Variants in JADE3 observed in about 807,000 individuals in gnomAD.
JADE3 encodes the protein jade family PHD finger 3.
Under a neutral mutation model 50.1 loss-of-function variants are expected in JADE3, and 2 were observed. That is an observed-to-expected ratio of 0.04 (90% confidence interval 0.02 to 0.13). JADE3 has a LOEUF of 0.13. Among genes scored for constraint, JADE3 ranks in the 10% least tolerant of loss-of-function variants. JADE3 has a pLI of 1.00. For missense variants in JADE3, 475 were observed against 634.4 expected, an observed-to-expected ratio of 0.75 and a Z score of 2.70; for synonymous variants, 218 against 232.9, an observed-to-expected ratio of 0.94 and a Z score of 0.58.
intron 4 of JADE3, among the ~76,000 whole-genome samples, chrX:47,003,579 T>C (rs1319333579): frequency 9.7e-6 from 1 of 103,001 alleles, no homozygotes; most frequent in East Asian, 2.9e-4. Flanking sequence ...TGTAGTCTTA[T>C]ATATATAAAA....
At chrX:46,963,039 A>G (rs1022130493) in intron 1 of JADE3, among the ~76,000 whole-genome samples, 13 of 111,002 alleles carry the variant, frequency 1.2e-4, no homozygotes, top group African/African-American at 3.9e-4. Context: ...GGGTTTCACC[A>G]TGTTGGCCAG....
intron 4 of JADE3, among the ~76,000 whole-genome samples, chrX:47,010,292 G>A (rs1176925482): frequency 1.8e-5 from 2 of 111,302 alleles, no homozygotes; most frequent in African/African-American, 6.5e-5. Flanking sequence ...GCAATGGTGC[G>A]ATCTAGGCTC....
intron 1 of JADE3, among the ~76,000 whole-genome samples, chrX:46,970,672 T>C (rs1181345804): frequency 8.9e-6 from 1 of 111,784 alleles, no homozygotes; most frequent in East Asian, 2.8e-4. Context: ...GGATTTGAAC[T>C]TGCTCAGTAA....
chrX:46,954,508 A>G (rs1287913933), intron 1 of JADE3, among the ~76,000 whole-genome samples: 6 of 112,038 alleles, frequency 5.4e-5, no homozygotes, highest in African/African-American at 1.9e-4. Context: ...ATGTTGCAGC[A>G]TGCTTTCAGT....
At chrX:46,979,873 ATTTTTTTTT>A (rs56397998) in intron 1 of JADE3, among the ~76,000 whole-genome samples, 1 of 63,148 alleles carries the variant, frequency 1.6e-5, no homozygotes, top group East Asian at 5.3e-4. Context: ...ATGTCTGCTG[ATTTTTTTTT>A]TTTTTTTTTT....
At chrX:47,045,962 TATG>T (rs1271920357) in intron 8 of JADE3, among the ~76,000 whole-genome samples, 6 of 110,536 alleles carry the variant, frequency 5.4e-5, no homozygotes, top group Non-Finnish European at 1.1e-4. Flanking sequence ...ACTTCAACCT[TATG>T]ATGCATCTTA....
intron 1 of JADE3, 153 bp downstream of exon 1, chrX:46,912,872 C>T (rs1167153210): frequency 1.8e-5 from 2 of 112,233 alleles, no homozygotes; most frequent in African/African-American, 6.4e-5. Flanking sequence ...GCTCCGGTTC[C>T]ACATCGTGGT....
At chrX:46,917,657 A>G (rs782238721) in intron 1 of JADE3, among the ~76,000 whole-genome samples, 17 of 110,980 alleles carry the variant, frequency 1.5e-4, no homozygotes, top group Middle Eastern at 4.6e-3. Flanking sequence ...AGGTTTGGCT[A>G]GGACTTGGGG....
At chrX:46,963,646 T>C (rs1927308922) in intron 1 of JADE3, among the ~76,000 whole-genome samples, 2 of 112,034 alleles carry the variant, frequency 1.8e-5, no homozygotes, top group Admixed American at 9.5e-5. Context: ...AGCAGGGAGC[T>C]CTGCTTTTGA....
intron 3 of JADE3, among the ~76,000 whole-genome samples, chrX:46,988,952 G>T (rs1482567616): frequency 8.9e-6 from 1 of 112,284 alleles, no homozygotes; most frequent in Non-Finnish European, 1.9e-5. Flanking sequence ...CGATTTTCCT[G>T]CCTCAGCCTC....
chrX:47,049,991 A>G (rs1277507177), intron 8 of JADE3, among the ~76,000 whole-genome samples: 1 of 108,428 alleles, frequency 9.2e-6, no homozygotes, highest in Admixed American at 1.0e-4. Flanking sequence ...GTCTAGCTGG[A>G]GTGCAGTGGC....
In JADE3 at chrX:47,049,643, G is replaced by A. The variant is rs781845564; in HGVS notation, c.973-4515G>A. Reference sequence around the variant, plus strand: ...GTATTTTTTGTAGAGACAGGGTTTCGTCATGTTTCCCAGGCTGGTCTTGAA... The same window carrying A: ...GTATTTTTTGTAGAGACAGGGTTTCATCATGTTTCCCAGGCTGGTCTTGAA... On this transcript the variant is annotated intron_variant, in intron 8 of 10. Transcript: ENST00000614628. Among the ~76,000 whole-genome samples the A allele has an allele frequency of 5.8e-5, 6 of 103,155 alleles. No individual in the cohort carries two copies. In the East Asian group the frequency reaches 1.2e-3, roughly 21 times the overall value. The allele number at this position is 103,155 out of a possible 115,157, so 89.6% of individuals were successfully genotyped here. A position where few individuals can be genotyped will look rare whatever the true frequency, so the allele number is the denominator to read the frequency against.
intron 1 of JADE3, among the ~76,000 whole-genome samples, chrX:46,973,692 C>T (rs1474723542): frequency 1.8e-5 from 2 of 112,233 alleles, no homozygotes; most frequent in African/African-American, 3.2e-5. Flanking sequence ...AGCACAGGCA[C>T]TTAAACTGTC....
chrX:47,040,426 C>T (rs782562918), intron 8 of JADE3, among the ~76,000 whole-genome samples: 7 of 111,391 alleles, frequency 6.3e-5, no homozygotes, highest in African/African-American at 9.8e-5. Flanking sequence ...ACTGCGCATG[C>T]GAGGGATCTA....
intron 1 of JADE3, among the ~76,000 whole-genome samples, chrX:46,961,370 A>T (rs1927254740): frequency 8.9e-6 from 1 of 112,265 alleles, no homozygotes; most frequent in Admixed American, 9.5e-5. Context: ...ATCAGTTGTC[A>T]AAGTAGTTAT....
chrX:46,984,937 G>A lies in JADE3; in HGVS notation c.43G>A (p.Glu15Lys). ...TGTCAGCAGCAGTGACAGTTCAGAC[G>A]AAAGTGAGTAGAACCGGCTGGCAGC... ...RPVSSSDSSDESPSTSFTSGS... is the reference protein window; with the variant it reads ...RPVSSSDSSDKSPSTSFTSGS... The change falls in exon 2 of 11, where the codon GAA becomes AAA. Residue 15 changes from glutamate (E) to lysine (K), a missense_variant. By Grantham distance (56) the Glu-to-Lys change is moderately conservative. Around this residue, in one of 6 missense-constraint regions of JADE3, gnomAD observed 31 missense variants for 29.3 expected, o/e 1.06. Transcript: ENST00000614628. 1 of 1,203,584 alleles carries A rather than the reference G, an allele frequency of 8.3e-7. No homozygotes were observed. Among genetic ancestry groups the A allele is most frequent in the Admixed American group, 2.2e-5 (1 of 45,962 alleles).
intron 8 of JADE3, among the ~76,000 whole-genome samples, chrX:47,047,462 G>A (rs782350871): frequency 2.7e-5 from 3 of 109,606 alleles, no homozygotes; most frequent in Admixed American, 2.0e-4. Context: ...CAGGAGAATC[G>A]CTTGAACCCA....
chrX:46,991,273 G>A (rs1286427243), intron 3 of JADE3, among the ~76,000 whole-genome samples: 4 of 107,304 alleles, frequency 3.7e-5, no homozygotes, highest in Admixed American at 2.0e-4. Flanking sequence ...TAATAGAGAC[G>A]GAGTTTCTCC....
Position 46,924,990 on chromosome X carries a change from T to C in JADE3, c.-12+12271T>C, listed in dbSNP as rs186489039. ...GTGAGGCACTAGGTATTGAGTAGAA[T>C]ACAAACCTGACTAGGTAAGTGGAAT... On this transcript the variant is annotated intron_variant, in intron 1 of 10. Transcript: ENST00000614628. Among the ~76,000 whole-genome samples, 366 of 112,061 alleles carry C rather than the reference T, an allele frequency of 3.3e-3. 1 individual carries two copies. Among genetic ancestry groups the C allele is most frequent in the African/African-American group, 0.011 (351 of 30,841 alleles).
Sources: gnomAD v4.1 joint callset for allele counts (sites outside exome capture counted in the v4.1 genomes callset) on GRCh38, gnomAD v4.1.1 for gene constraint, gnomAD v4.1.1 regional missense constraint, MANE v1.5 for transcripts, NCBI Gene and HGNC (gene_info 2026-07-23, HGNC 2026-07-21) for gene names.